Variants in CCDC124 observed in about 807,000 individuals in gnomAD.
The protein encoded by CCDC124 is coiled-coil domain-containing protein 124.
In CCDC124, 9 loss-of-function variants were observed where a neutral mutation model predicts 19.8. That is an observed-to-expected ratio of 0.45 (90% CI 0.27 to 0.79). The LOEUF (loss-of-function observed/expected upper bound fraction) is 0.79. Ranked by LOEUF, CCDC124 falls within the 30% of genes least tolerant of loss-of-function variation. The pLI is 0.14. For missense variants in CCDC124, 285 were observed against 319.0 expected, an observed-to-expected ratio of 0.89 and a Z score of 0.81; for synonymous variants, 126 against 131.3, an observed-to-expected ratio of 0.96 and a Z score of 0.27.
At position 17,943,811 on chromosome 19, in the gene CCDC124, C is replaced by G. The variant is rs2031248831; in HGVS notation, c.*96C>G. Reference sequence around the variant, plus strand: ...TCAGCTGCGAGGGTCACAGAGCGTTCCGGGGGCCAAGGCGCCGGGCCCCGG... The same window carrying G: ...TCAGCTGCGAGGGTCACAGAGCGTTGCGGGGGCCAAGGCGCCGGGCCCCGG... On this transcript the variant is annotated 3_prime_UTR_variant, in exon 5 of 5. Transcript: ENST00000445755. 4.6e-6 allele frequency: 6 copies of G among 1,297,900 alleles called. No homozygotes were observed. The Admixed American group carries it at 1.3e-4, about 28-fold the overall frequency. 80.4% of individuals were successfully genotyped at this position (1,297,900 alleles called of 1,614,324 possible).
intron 1 of CCDC124, among the ~76,000 whole-genome samples, chr19:17,934,941 G>A (rs2147777700): frequency 6.7e-6 from 1 of 150,192 alleles, no homozygotes; most frequent in East Asian, 2.0e-4. Flanking sequence ...TAAGAGACAG[G>A]GTCTTGTTCT....
chr19:17,937,810 C>T (rs904795302), intron 2 of CCDC124, among the ~76,000 whole-genome samples: 2 of 152,030 alleles, frequency 1.3e-5, no homozygotes, highest in East Asian at 1.9e-4. Flanking sequence ...CTCAGTTCAC[C>T]GCAACCTTTG....
chr19:17,933,990 C>T (rs2031003742), intron 1 of CCDC124, among the ~76,000 whole-genome samples: 2 of 152,166 alleles, frequency 1.3e-5, no homozygotes, highest in African/African-American at 4.8e-5. Context: ...GTATTTCCAG[C>T]TTGGGCTGTC....
rs761566208 is a variant in CCDC124, at chr19:17,936,486, C to T, written c.66C>T (p.Ala22=). Residue 22 remains alanine (A), a synonymous_variant, in exon 2 of 5, where the codon GCC becomes GCT. Coordinates refer to ENST00000445755, the MANE Select transcript of CCDC124 (RefSeq NM_001136203.2). ...CGGCCCGGGCACGTAGGGCAGAGGC[C>T]AAGGCGGCCGCTGATGCCAAGAAGC... ...SAAARARRAE[A]KAAADAKKQK... 1 of 1,613,138 alleles carries T rather than the reference C, an allele frequency of 6.2e-7. No individual in the cohort carries two copies. Among genetic ancestry groups the T allele is most frequent in the South Asian group, 1.1e-5 (1 of 90,970 alleles).
Position 17,936,402 on chromosome 19 carries a change from T to C in CCDC124, c.-11-8T>C, listed in dbSNP as rs372279283. 1 of 1,602,576 alleles carries C rather than the reference T, an allele frequency of 6.2e-7. No individual in the cohort carries two copies. The highest frequency in any genetic ancestry group is 8.5e-7 in the Non-Finnish European group (1 of 1,172,060). ...CCCTGCTCCCCCATCCCCATCCTCT[T>C]CCCGCAGCCTGCTGAGGGATGCCCA... On this transcript the variant is annotated splice_polypyrimidine_tract_variant and splice_region_variant and intron_variant, in intron 1 of 4. Coordinates refer to ENST00000445755, the MANE Select transcript of CCDC124 (RefSeq NM_001136203.2).
intron 2 of CCDC124, chr19:17,936,862 C>A (rs2031077507): frequency 1.9e-5 from 5 of 266,614 alleles, no homozygotes; most frequent in Non-Finnish European, 2.8e-5. Context: ...ACTTACAGTC[C>A]CAGCTACTCT....
intron 3 of CCDC124, 135 bp from the exon 4 acceptor site, chr19:17,943,126 C>T (rs1023037817): frequency 3.7e-6 from 3 of 801,134 alleles, no homozygotes; most frequent in Non-Finnish European, 4.1e-6. Context: ...CAGCTGAAGT[C>T]GCGATTCCAT....
rs779814220 is a variant in CCDC124 at position 17,943,374 on chromosome 19, A to G, written c.463A>G (p.Ser155Gly). 3.3e-6 allele frequency: 5 copies of G among 1,512,920 alleles called. No individual in the cohort carries two copies. The East Asian group carries it at 1.3e-4, about 39-fold the overall frequency. 93.7% of individuals were successfully genotyped at this position (1,512,920 alleles called of 1,614,324 possible). ...RTIEDAIAVL[S>G]VAEEAADRHP... The stretch of plus-strand genomic sequence containing the variant: ...CATCGAGGACGCCATTGCAGTGCTC[A>G]GGTAACGGGGCGGGGCCTGGGGCTT... The change falls in exon 4 of 5, where the codon AGC (serine) becomes GGC (glycine). Residue 155 changes from serine to glycine, a missense_variant and splice_region_variant. Coordinates refer to ENST00000445755, the MANE Select transcript of CCDC124 (RefSeq NM_001136203.2).
In CCDC124 at chr19:17,943,389, G is replaced by T; in HGVS notation, c.464+14G>T. On this transcript the variant is annotated intron_variant, in intron 4 of 4. Coordinates refer to ENST00000445755, the MANE Select transcript of CCDC124 (RefSeq NM_001136203.2). ...TGCAGTGCTCAGGTAACGGGGCGGG[G>T]CCTGGGGCTTTCCCAGGGGTGGAGC... 1 of 1,566,170 alleles carries T rather than the reference G, an allele frequency of 6.4e-7. No individual in the cohort carries two copies. Among genetic ancestry groups the T allele is most frequent in the Non-Finnish European group, 8.6e-7 (1 of 1,160,014 alleles).
intron 1 of CCDC124, 69 bp from the exon 2 acceptor site, chr19:17,936,341 A>G: frequency 7.4e-7 from 1 of 1,348,976 alleles, no homozygotes; most frequent in South Asian, 1.4e-5. Flanking sequence ...CCCAAGTGTG[A>G]TTCTGGGGGT....
chr19:17,942,246 G>T lies in CCDC124; in HGVS notation c.160-410G>T, dbSNP rs1356758266. 6.6e-6 allele frequency among the ~76,000 whole-genome samples: 1 copy of T among 151,940 alleles called. No individual in the cohort carries two copies. The highest frequency in any genetic ancestry group is 1.9e-4 in the East Asian group (1 of 5,184). ...CCCCTCCCTGGCCCCCAGAGGCTCCGCATGGCCCAGCCGTCTCCCTCCCGG... is the reference window on the plus strand; with the variant it reads ...CCCCTCCCTGGCCCCCAGAGGCTCCTCATGGCCCAGCCGTCTCCCTCCCGG... On this transcript the variant is annotated intron_variant, in intron 2 of 4. Transcript: ENST00000445755. The surrounding 1 kb of genome is among the most constrained non-coding windows in gnomAD (Gnocchi z 4.2).
intron 1 of CCDC124, among the ~76,000 whole-genome samples, chr19:17,934,044 C>T (rs2031004677): frequency 6.6e-6 from 1 of 152,002 alleles, no homozygotes; most frequent in Admixed American, 6.6e-5. Flanking sequence ...GCAGAAATTG[C>T]CAGGCACTGT....
chr19:17,935,793 G>A (rs542568537), intron 1 of CCDC124, among the ~76,000 whole-genome samples: 1 of 152,188 alleles, frequency 6.6e-6, no homozygotes, highest in African/African-American at 2.4e-5. Flanking sequence ...ATGTTGACTA[G>A]ACTGGTTTTG....
intron 2 of CCDC124, among the ~76,000 whole-genome samples, chr19:17,939,556 G>T (rs1015294932): frequency 3.9e-5 from 6 of 152,280 alleles, no homozygotes; most frequent in African/African-American, 1.2e-4. Context: ...AGGCAGAGAA[G>T]GCAGAAAGCC....
At chr19:17,940,037 C>T (rs2031145996) in intron 2 of CCDC124, among the ~76,000 whole-genome samples, 1 of 151,090 alleles carries the variant, frequency 6.6e-6, no homozygotes, top group Admixed American at 6.6e-5. Context: ...GCTTCAGCCT[C>T]CCAAGTAGCT....
chr19:17,936,345 T>G (rs1177329371), intron 1 of CCDC124, 65 bp from the exon 2 acceptor site: 7 of 1,374,834 alleles, frequency 5.1e-6, no homozygotes, highest in Non-Finnish European at 7.0e-6. Context: ...AGTGTGATTC[T>G]GGGGGTGCTG....
rs895111694 is a variant in CCDC124 at position 17,940,776 on chromosome 19, G to A, written c.160-1880G>A. 5.3e-5 allele frequency among the ~76,000 whole-genome samples: 8 copies of A among 149,588 alleles called. No homozygotes were observed. The East Asian group carries it at 9.9e-4, about 18-fold the overall frequency. On this transcript the variant is annotated intron_variant, in intron 2 of 4. Coordinates refer to ENST00000445755, the MANE Select transcript of CCDC124 (RefSeq NM_001136203.2). ...AAAAAAAAAAAAAAGGGCCGGGCGC[G>A]GTAACTCATTCCTGTAATCCCAGCA... is the stretch of plus-strand genomic sequence containing the variant.
Position 17,943,722 on chromosome 19 carries a change from A to C in CCDC124, c.*7A>C. ...CTTCAATGCCCCCAAGTGAGCCCAG[A>C]ACTTGGGGAGCCAGTTCACCCACGG... On this transcript the variant is annotated 3_prime_UTR_variant, in exon 5 of 5. Transcript: ENST00000445755. 6.2e-7 allele frequency: 1 copy of C among 1,611,382 alleles called. No homozygotes were observed. The highest frequency in any genetic ancestry group is 8.5e-7 in the Non-Finnish European group (1 of 1,179,094).
At chr19:17,933,376 A>G (rs1162423914) in intron 1 of CCDC124, among the ~76,000 whole-genome samples, 3 of 152,118 alleles carry the variant, frequency 2.0e-5, no homozygotes, top group Admixed American at 1.3e-4. Flanking sequence ...TTCAAAAGGG[A>G]TAGCCGGGAG....
Sources: allele counts gnomAD v4.1 joint callset (sites outside exome capture counted in the v4.1 genomes callset), GRCh38; gene constraint gnomAD v4.1.1; non-coding constraint Gnocchi (gnomAD v3.1); transcripts MANE v1.5; gene names NCBI Gene and HGNC (gene_info 2026-07-23, HGNC 2026-07-21).